CDC42BPG: variants seen among roughly 807,000 people sequenced by gnomAD.
The protein encoded by CDC42BPG is CDC42 binding protein kinase gamma, also known as serine/threonine-protein kinase MRCK gamma.
A neutral mutation model predicts 192.2 loss-of-function variants in CDC42BPG; 157 were observed. That is an observed-to-expected ratio of 0.82 (90% confidence interval 0.72 to 0.93). The LOEUF is 0.93. CDC42BPG is among the 40% of genes least tolerant of loss of function. The pLI is 0.00. For synonymous variants in CDC42BPG, 981 were observed against 918.5 expected (o/e 1.07, Z -1.23); for missense variants, 1,992 against 2,122.1 (o/e 0.94, Z 1.20).
chr11:64,839,626 T>C, intron 5 of CDC42BPG, 55 bp from the exon 6 acceptor site: 1 of 1,449,988 alleles, frequency 6.9e-7, no homozygotes, highest in African/African-American at 1.4e-5. Context: ...TAAGTGGCCA[T>C]TTAGGCACAC....
chr11:64,832,345 T>A, intron 27 of CDC42BPG, 83 bp downstream of exon 27: 2 of 1,401,506 alleles, frequency 1.4e-6, no homozygotes. Flanking sequence ...AAGAGGGCAG[T>A]ATGAAGTGGG....
At chr11:64,829,261 G>A (rs956405134) in intron 30 of CDC42BPG, among the ~76,000 whole-genome samples, 2 of 152,164 alleles carry the variant, frequency 1.3e-5, no homozygotes, top group African/African-American at 2.4e-5. Context: ...AAAGGAGAGC[G>A]GCTCAGGCAG....
intron 7 of CDC42BPG, 42 bp downstream of exon 7, chr11:64,838,991 T>C (rs878901683): frequency 6.2e-7 from 1 of 1,611,106 alleles, no homozygotes; most frequent in East Asian, 2.2e-5. Context: ...GACTCAGGGG[T>C]CCCACTGCCC....
chr11:64,835,062 G>A lies in CDC42BPG; in HGVS notation c.2045C>T (p.Ala682Val), dbSNP rs145084429. 64 of 1,603,420 alleles carry A rather than the reference G, an allele frequency of 4.0e-5. No homozygotes were observed. In the East Asian group the frequency reaches 1.0e-3, roughly 26 times the overall value. Residue 682 changes from alanine (A) to valine (V), a missense_variant, in exon 17 of 37, where the codon GCC becomes GTC. Physicochemically the swap from Ala to Val is moderately conservative, Grantham distance 64. Around this residue, in one of 2 missense-constraint regions of CDC42BPG, gnomAD observed 1,656 missense variants for 1,844.3 expected, o/e 0.90. Transcript: ENST00000342711. ...ETESNWEAQL[A>V]DILSWVNDEK... ...TGGCACCCACCAGCTGAGGATGTCGGCGAGCTGGGCCTCCCAGTTGCTCTC... is the reference window on the plus strand; with the variant it reads ...TGGCACCCACCAGCTGAGGATGTCGACGAGCTGGGCCTCCCAGTTGCTCTC...
rs1773427332 is a variant in CDC42BPG, at chr11:64,834,463, T to C, written c.2290A>G (p.Thr764Ala). 1.9e-6 allele frequency: 3 copies of C among 1,569,150 alleles called. No homozygotes were observed. The highest frequency in any genetic ancestry group is 1.4e-5 in the African/African-American group (1 of 74,024). The change falls in exon 19 of 37, where the codon ACA becomes GCA. Residue 764 changes from threonine to alanine, a missense_variant. By Grantham distance (58) the Thr-to-Ala change is moderately conservative. Coordinates refer to ENST00000342711, the MANE Select transcript of CDC42BPG (RefSeq NM_017525.3). Reference sequence around the variant, plus strand: ...TGCAGCTGGGCCTCCTGCACCTGTGTCAGCCGCTCCTGCAGGCCCTGCTTG... The same window carrying C: ...TGCAGCTGGGCCTCCTGCACCTGTGCCAGCCGCTCCTGCAGGCCCTGCTTG... ...RAKQGLQERL[T>A]QVQEAQLQAE... is the part of the protein sequence containing the mutation.
chr11:64,824,603 G>T, intron 36 of CDC42BPG, 74 bp from the exon 37 acceptor site: 1 of 1,047,572 alleles, frequency 9.5e-7, no homozygotes, highest in Non-Finnish European at 1.5e-6. Flanking sequence ...GGTGGGTCCT[G>T]GAGGCCCCCT....
intron 21 of CDC42BPG, 27 bp from the exon 22 acceptor site, chr11:64,833,863 G>A: frequency 1.2e-6 from 2 of 1,614,152 alleles, no homozygotes; most frequent in Non-Finnish European, 1.7e-6. Flanking sequence ...GAGGAGCAAA[G>A]TCAAGGTCCC....
intron 18 of CDC42BPG, 112 bp downstream of exon 18, chr11:64,834,737 A>G (rs2136313919): frequency 7.5e-7 from 1 of 1,338,640 alleles, no homozygotes; most frequent in East Asian, 2.4e-5. Context: ...ACTATCTCTC[A>G]TGAGCTTGGT....
chr11:64,844,609 C>T lies in CDC42BPG; in HGVS notation c.-40G>A. On this transcript the variant is annotated 5_prime_UTR_variant, in exon 1 of 37. Coordinates refer to ENST00000342711, the MANE Select transcript of CDC42BPG (RefSeq NM_017525.3). The stretch of plus-strand genomic sequence containing the variant: ...CCTCGCTGCTCGGCTACAGTCTGGC[C>T]GCCCGCATGCCCGCCTGTCGGGCCG... The T allele has an allele frequency of 8.1e-7, 1 of 1,233,078 alleles. No individual in the cohort carries two copies. Among genetic ancestry groups the T allele is most frequent in the South Asian group, 3.5e-5 (1 of 28,976 alleles). The allele number at this position is 1,233,078 out of a possible 1,614,324, so 76.4% of individuals were successfully genotyped here. A position where few individuals can be genotyped will look rare whatever the true frequency, so the allele number is the denominator to read the frequency against.
At chr11:64,831,742 T>C in intron 27 of CDC42BPG, 21 bp from the exon 28 acceptor site, 1 of 1,556,874 alleles carries the variant, frequency 6.4e-7, no homozygotes, top group Non-Finnish European at 8.7e-7. Flanking sequence ...GGACCCCAGC[T>C]GGAGGGCCGT....
intron 34 of CDC42BPG, 58 bp from the exon 35 acceptor site, chr11:64,826,852 C>T (rs968097316): frequency 6.9e-7 from 1 of 1,458,172 alleles, no homozygotes; most frequent in South Asian, 1.4e-5. Flanking sequence ...GACAAGAGGC[C>T]CAAGGCACAA....
At chr11:64,827,255 GC>G (rs760096195) in intron 33 of CDC42BPG, 22 bp downstream of exon 33, 43 of 1,613,150 alleles carry the variant, frequency 2.7e-5, no homozygotes, top group Admixed American at 2.5e-4. Context: ...CCCAGCCTCA[GC>G]CCCCGCGTCG....
intron 18 of CDC42BPG, 54 bp from the exon 19 acceptor site, chr11:64,834,631 G>A: frequency 6.7e-7 from 1 of 1,483,416 alleles, no homozygotes; most frequent in Non-Finnish European, 9.0e-7. Context: ...GCTGCCTCAG[G>A]GACCCCCTGC....
At chr11:64,831,419 A>T in intron 28 of CDC42BPG, 86 bp downstream of exon 28, 1 of 1,231,478 alleles carries the variant, frequency 8.1e-7, no homozygotes, top group Non-Finnish European at 1.2e-6. Context: ...GGGAATGGGC[A>T]GTAGCAGTGG....
intron 29 of CDC42BPG, 39 bp from the exon 30 acceptor site, chr11:64,830,109 G>T (rs1003237659): frequency 6.2e-7 from 1 of 1,611,844 alleles, no homozygotes; most frequent in Non-Finnish European, 8.5e-7. Context: ...CTGGCAGGTG[G>T]TTGAAGAGTG....
chr11:64,839,348 C>A, intron 6 of CDC42BPG, 115 bp from the exon 7 acceptor site: 1 of 1,504,488 alleles, frequency 6.6e-7, no homozygotes, highest in Non-Finnish European at 9.1e-7. Context: ...TGCTGCCCAC[C>A]TGGGGCCTGG....
In CDC42BPG at chr11:64,838,810, T is replaced by C. The variant is rs554896553; in HGVS notation, c.969A>G (p.Leu323=). Residue 323 remains leucine, a synonymous_variant, in exon 8 of 37, where the codon CTA becomes CTG. Transcript: ENST00000342711. ...RQLLCRQEER[L]GRGGLDDFRN... Reference sequence around the variant, plus strand: ...GGAAGTCATCCAGCCCACCACGGCCTAGCCGCTCTTCCTGGCGACACAGCA... The same window carrying C: ...GGAAGTCATCCAGCCCACCACGGCCCAGCCGCTCTTCCTGGCGACACAGCA... The C allele has an allele frequency of 1.2e-6, 2 of 1,612,598 alleles. No homozygotes were observed. The highest frequency in any genetic ancestry group is 2.7e-5 in the African/African-American group (2 of 74,924).
At chr11:64,840,714 C>T (rs1943243480) in intron 3 of CDC42BPG, 66 bp from the exon 4 acceptor site, 6 of 1,385,532 alleles carry the variant, frequency 4.3e-6, no homozygotes, top group Non-Finnish European at 6.2e-6. Flanking sequence ...CCCTTGCCAG[C>T]TCAGGGGATG....
rs370668615 is a variant in CDC42BPG, at chr11:64,826,464, G to A, written c.4599+6C>T. On this transcript the variant is annotated splice_donor_region_variant and intron_variant, in intron 36 of 36. Transcript: ENST00000342711. Reference sequence around the variant, plus strand: ...GGGGACGGACAAGCCTCCCGGACCCGCTCACCTGCATTAGGGAGGTTGCAG... The same window carrying A: ...GGGGACGGACAAGCCTCCCGGACCCACTCACCTGCATTAGGGAGGTTGCAG... The A allele has an allele frequency of 3.2e-6, 5 of 1,586,442 alleles. No homozygotes were observed. Among genetic ancestry groups the A allele is most frequent in the Admixed American group, 1.8e-5 (1 of 56,312 alleles).
Sources: allele counts gnomAD v4.1 joint callset (sites outside exome capture counted in the v4.1 genomes callset), GRCh38; gene constraint gnomAD v4.1.1; regional missense constraint gnomAD v4.1.1; transcripts MANE v1.5; gene names NCBI Gene and HGNC (gene_info 2026-07-23, HGNC 2026-07-21).